XKR9: variants seen among roughly 807,000 people sequenced by gnomAD.
XKR9 encodes the protein XK related 9.
Under a neutral mutation model 32.0 loss-of-function variants are expected in XKR9, and 32 were observed. The ratio of observed to expected loss-of-function variants is 1.00; its 90% CI spans 0.76 to 1.34. The LOEUF is 1.34. XKR9 is among the 40% of genes most tolerant of loss of function. XKR9 has a pLI of 0.00. For synonymous variants in XKR9, 168 were observed against 143.4 expected (o/e 1.17, Z -1.22); for missense variants, 546 against 429.7 (o/e 1.27, Z -2.39).
intron 4 of XKR9, among the ~76,000 whole-genome samples, chr8:70,709,597 C>T (rs1409261361): frequency 6.6e-6 from 1 of 152,162 alleles, no homozygotes; most frequent in Non-Finnish European, 1.5e-5. Context: ...TAAACAACTT[C>T]AGTAAAATTG....
chr8:70,801,991 C>A, the XKR9 span, among the ~76,000 whole-genome samples: 1 of 150,242 alleles, frequency 6.7e-6, no homozygotes, highest in Non-Finnish European at 1.5e-5. Context: ...GACTGGAGTG[C>A]AGTGGCATGA....
At chr8:70,892,874 A>G in the XKR9 span, among the ~76,000 whole-genome samples, 1 of 152,176 alleles carries the variant, frequency 6.6e-6, no homozygotes, top group Non-Finnish European at 1.5e-5. Context: ...CTGGATGCCC[A>G]TATCTTTCCC....
the XKR9 span, among the ~76,000 whole-genome samples, chr8:70,958,189 T>G: frequency 6.6e-6 from 1 of 152,194 alleles, no homozygotes; most frequent in Non-Finnish European, 1.5e-5. Context: ...TGTAATAGAA[T>G]GATTTCTATT....
chr8:70,696,740 G>A (rs1805291883), intron 3 of XKR9, among the ~76,000 whole-genome samples: 1 of 150,806 alleles, frequency 6.6e-6, no homozygotes, highest in African/African-American at 2.4e-5. Flanking sequence ...GTAGCTTGAT[G>A]GGGATGACAT....
At chr8:70,886,308 G>A in the XKR9 span, among the ~76,000 whole-genome samples, 34 of 152,274 alleles carry the variant, frequency 2.2e-4, no homozygotes, top group African/African-American at 8.2e-4. Flanking sequence ...CATTTGGGTT[G>A]ATTCCAAGTC....
Position 70,681,044 on chromosome 8 carries a change from C to A in XKR9, c.-15C>A. 6.3e-7 allele frequency: 1 copy of A among 1,596,304 alleles called. No homozygotes were observed. Among genetic ancestry groups the A allele is most frequent in the Non-Finnish European group, 8.5e-7 (1 of 1,170,994 alleles). ...GGAGAAAAAAGTAGATAACGAAAAG[C>A]TATAGTCATTCGTAATGAAATATAC... On this transcript the variant is annotated 5_prime_UTR_variant, in exon 3 of 5. Coordinates refer to ENST00000408926, the MANE Select transcript of XKR9 (RefSeq NM_001011720.2).
At chr8:70,871,353 G>A in the XKR9 span, among the ~76,000 whole-genome samples, 1 of 151,984 alleles carries the variant, frequency 6.6e-6, no homozygotes, top group African/African-American at 2.4e-5. Flanking sequence ...GCAGATACTG[G>A]GTTTTTTAAA....
intron 2 of XKR9, among the ~76,000 whole-genome samples, chr8:70,753,015 G>A (rs55804609): frequency 0.072 from 10,884 of 152,004 alleles, 358 homozygotes; most frequent in Non-Finnish European, 0.087. Context: ...TTGATAGACC[G>A]CTAGCAAGAC....
chr8:70,706,142 T>C (rs1044563577), intron 3 of XKR9, among the ~76,000 whole-genome samples: 4 of 152,186 alleles, frequency 2.6e-5, no homozygotes, highest in African/African-American at 9.6e-5. Context: ...CTGAGACATA[T>C]ATAAAGACTT....
the XKR9 span, among the ~76,000 whole-genome samples, chr8:70,840,760 C>T: frequency 6.6e-6 from 1 of 152,208 alleles, no homozygotes; most frequent in African/African-American, 2.4e-5. Context: ...ATCATTTGAA[C>T]AAGAATGGAA....
the XKR9 span, among the ~76,000 whole-genome samples, chr8:70,971,852 G>T: frequency 6.6e-6 from 1 of 151,966 alleles, no homozygotes; most frequent in Non-Finnish European, 1.5e-5. Context: ...CCATGCTGTT[G>T]GTGACTATGG....
chr8:70,772,435 G>A (rs943729156), intron 2 of XKR9, among the ~76,000 whole-genome samples: 1 of 152,172 alleles, frequency 6.6e-6, no homozygotes, highest in Admixed American at 6.5e-5. Flanking sequence ...ATTTTGAACA[G>A]CCCGATTTAA....
chr8:70,768,865 G>A (rs909894273), intron 2 of XKR9, among the ~76,000 whole-genome samples: 4 of 151,940 alleles, frequency 2.6e-5, no homozygotes, highest in African/African-American at 7.3e-5. Flanking sequence ...GCACACCGAT[G>A]GGTCTTGACT....
the XKR9 span, among the ~76,000 whole-genome samples, chr8:70,846,813 A>C: frequency 2.0e-5 from 3 of 152,066 alleles, no homozygotes; most frequent in Non-Finnish European, 4.4e-5. Context: ...CTAAATATAT[A>C]TGCACTTAAT....
the XKR9 span, among the ~76,000 whole-genome samples, chr8:70,803,197 C>T: frequency 6.6e-6 from 1 of 152,064 alleles, no homozygotes; most frequent in Non-Finnish European, 1.5e-5. Flanking sequence ...AATTGGTCTT[C>T]AAACTTGGAC....
At chr8:71,017,810 G>T in the XKR9 span, among the ~76,000 whole-genome samples, 1 of 152,166 alleles carries the variant, frequency 6.6e-6, no homozygotes, top group African/African-American at 2.4e-5. Context: ...GATGCAACTT[G>T]GTACTGAATC....
the XKR9 span, among the ~76,000 whole-genome samples, chr8:71,023,461 T>A: frequency 6.6e-6 from 1 of 152,242 alleles, no homozygotes; most frequent in Non-Finnish European, 1.5e-5. Flanking sequence ...CAGGATGGAA[T>A]GCCAAGTAGA....
chr8:71,015,065 T>A, the XKR9 span, among the ~76,000 whole-genome samples: 1 of 152,148 alleles, frequency 6.6e-6, no homozygotes, highest in African/African-American at 2.4e-5. Flanking sequence ...GAGTTTAATG[T>A]TGTTGGAAAA....
At chr8:70,937,360 A>T in the XKR9 span, among the ~76,000 whole-genome samples, 1 of 152,062 alleles carries the variant, frequency 6.6e-6, no homozygotes, top group Non-Finnish European at 1.5e-5. Context: ...TAACTGGCTA[A>T]TTGTTAGATT....
Sources: gnomAD v4.1 joint callset for allele counts (sites outside exome capture counted in the v4.1 genomes callset) on GRCh38, gnomAD v4.1.1 for gene constraint, MANE v1.5 for transcripts, NCBI Gene and HGNC (gene_info 2026-07-23, HGNC 2026-07-21) for gene names.